The following PAK5 variants were observed in gnomAD, a reference collection of about 807,000 sequenced individuals.
PAK5 encodes the protein p21 (RAC1) activated kinase 5.
PAK5 carries 16 observed loss-of-function variants against 65.9 expected under a neutral mutation model. The ratio of observed to expected loss-of-function variants is 0.24; its 90% CI spans 0.16 to 0.37. The LOEUF (loss-of-function observed/expected upper bound fraction) is 0.37. Ranked by LOEUF, PAK5 falls within the 10% of genes least tolerant of loss-of-function variation. PAK5 has a pLI of 1.00. For synonymous variants in PAK5, 371 were observed against 354.9 expected (o/e 1.05, Z -0.51); for missense variants, 785 against 903.9 (o/e 0.87, Z 1.69).
At chr20:9,695,219 A>C (rs999864414) in intron 2 of PAK5, among the ~76,000 whole-genome samples, 1 of 151,990 alleles carries the variant, frequency 6.6e-6, no homozygotes, top group South Asian at 2.1e-4. Context: ...TTTTCACATT[A>C]GGTTCTCTTC....
At chr20:9,826,914 T>C (rs1313918380) in intron 1 of PAK5, among the ~76,000 whole-genome samples, 1 of 152,186 alleles carries the variant, frequency 6.6e-6, no homozygotes, top group African/African-American at 2.4e-5. Context: ...TTATTCTCAA[T>C]GTTTTTCAAG....
intron 1 of PAK5, among the ~76,000 whole-genome samples, chr20:9,800,497 A>T (rs556798390): frequency 6.6e-6 from 1 of 152,280 alleles, no homozygotes; most frequent in East Asian, 1.9e-4. Context: ...GAGACTTTTT[A>T]GTTCTCAATA....
chr20:9,631,000 T>A (rs980260901), intron 3 of PAK5, among the ~76,000 whole-genome samples: 3 of 152,194 alleles, frequency 2.0e-5, no homozygotes, highest in African/African-American at 7.2e-5. Context: ...CCCCAACAGC[T>A]GTATTTAATA....
chr20:9,729,067 T>C (rs1483288570), intron 1 of PAK5, among the ~76,000 whole-genome samples: 2 of 152,020 alleles, frequency 1.3e-5, no homozygotes, highest in East Asian at 3.9e-4. Context: ...TAAAATTATT[T>C]CATAAAAATA....
intron 2 of PAK5, among the ~76,000 whole-genome samples, chr20:9,693,909 A>G (rs1383011283): frequency 6.6e-6 from 1 of 152,034 alleles, no homozygotes; most frequent in African/African-American, 2.4e-5. Flanking sequence ...TAAATTTATG[A>G]TTGTCATAAA....
At chr20:9,648,216 A>T (rs997020812) in intron 2 of PAK5, among the ~76,000 whole-genome samples, 2 of 152,180 alleles carry the variant, frequency 1.3e-5, no homozygotes, top group African/African-American at 4.8e-5. Flanking sequence ...CAAAATTAGC[A>T]GTGGGAAAAG....
At chr20:9,591,429 G>A (rs2046168690) in intron 3 of PAK5, among the ~76,000 whole-genome samples, 1 of 152,088 alleles carries the variant, frequency 6.6e-6, no homozygotes, top group South Asian at 2.1e-4. Flanking sequence ...ATATTCTGTG[G>A]GGGGCAGAAT....
chr20:9,721,418 T>C (rs1308005352), intron 1 of PAK5, among the ~76,000 whole-genome samples: 1 of 151,606 alleles, frequency 6.6e-6, no homozygotes, highest in Non-Finnish European at 1.5e-5. Flanking sequence ...TAGGCCGAGG[T>C]GGGCGGATCA....
chr20:9,539,395 T>C lies in PAK5; in HGVS notation c.*67A>G, dbSNP rs956077058. On this transcript the variant is annotated 3_prime_UTR_variant, in exon 10 of 10. Coordinates refer to ENST00000353224, the MANE Select transcript of PAK5 (RefSeq NM_177990.4). ...CACAGGCCTTTTGCATGTTCTGTGT[T>C]TCCTTTTGTTCTCCTGAATTATTCT... 22 of 1,501,136 alleles carry C rather than the reference T, an allele frequency of 1.5e-5. No homozygotes were observed. The highest frequency in any genetic ancestry group is 1.9e-5 in the Non-Finnish European group (21 of 1,084,790). 93.0% of individuals were successfully genotyped at this position (1,501,136 alleles called of 1,614,324 possible).
At chr20:9,804,294 C>T (rs896226943) in intron 1 of PAK5, among the ~76,000 whole-genome samples, 1 of 152,174 alleles carries the variant, frequency 6.6e-6, no homozygotes, top group Non-Finnish European at 1.5e-5. Context: ...AACTTACTGA[C>T]TCTCCAAGAT....
chr20:9,715,303 C>G (rs1480292026), intron 1 of PAK5, among the ~76,000 whole-genome samples: 2 of 152,100 alleles, frequency 1.3e-5, no homozygotes, highest in African/African-American at 4.8e-5. Context: ...AAATGCTCAT[C>G]ATCACTGGCC....
At chr20:9,540,212 G>T (rs60075773) in intron 9 of PAK5, among the ~76,000 whole-genome samples, 22,131 of 152,114 alleles carry the variant, frequency 0.15, 2,244 homozygotes, top group African/African-American at 0.28. Context: ...GAGTAGCTGG[G>T]AGTACAAGCA....
intron 3 of PAK5, among the ~76,000 whole-genome samples, chr20:9,618,924 T>G (rs2046718155): frequency 2.0e-5 from 2 of 98,304 alleles, no homozygotes; most frequent in Admixed American, 1.0e-4. Context: ...CGTTTTTTTT[T>G]TTTTTTTTTT....
intron 3 of PAK5, among the ~76,000 whole-genome samples, chr20:9,627,239 T>G (rs2046856704): frequency 6.6e-6 from 1 of 152,222 alleles, no homozygotes. Context: ...GACATGGAGA[T>G]TTGACGAAAG....
intron 2 of PAK5, among the ~76,000 whole-genome samples, chr20:9,705,103 T>C (rs1356214753): frequency 6.6e-6 from 1 of 152,230 alleles, no homozygotes; most frequent in Non-Finnish European, 1.5e-5. Flanking sequence ...TGCTGCTAAA[T>C]GTGCTGCAAG....
chr20:9,830,614 C>T (rs1003400260), intron 1 of PAK5, among the ~76,000 whole-genome samples: 3 of 152,066 alleles, frequency 2.0e-5, no homozygotes, highest in African/African-American at 7.2e-5. Context: ...CAGATTATAC[C>T]TTTCTAGGAT....
intron 2 of PAK5, among the ~76,000 whole-genome samples, chr20:9,692,697 G>C (rs2047813314): frequency 6.6e-6 from 1 of 151,972 alleles, no homozygotes; most frequent in Non-Finnish European, 1.5e-5. Flanking sequence ...ACAAACTTTG[G>C]AAATTTTGGC....
At chr20:9,567,721 T>C (rs1603216142) in intron 4 of PAK5, among the ~76,000 whole-genome samples, 1 of 152,212 alleles carries the variant, frequency 6.6e-6, no homozygotes, top group East Asian at 1.9e-4. Context: ...ATGATATCTC[T>C]GCCCTCCTGG....
At chr20:9,625,787 C>T (rs2046836233) in intron 3 of PAK5, among the ~76,000 whole-genome samples, 1 of 152,176 alleles carries the variant, frequency 6.6e-6, no homozygotes, top group Non-Finnish European at 1.5e-5. Context: ...TTGCTGGTTG[C>T]TGACAATTTA....
Sources: gnomAD v4.1 joint callset for allele counts (sites outside exome capture counted in the v4.1 genomes callset) on GRCh38, gnomAD v4.1.1 for gene constraint, MANE v1.5 for transcripts, NCBI Gene and HGNC (gene_info 2026-07-23, HGNC 2026-07-21) for gene names.